The following MYO5A variants were observed in gnomAD, a reference collection of about 807,000 sequenced individuals.
MYO5A encodes the protein myosin VA.
MYO5A carries 98 observed loss-of-function variants against 249.7 expected under a neutral mutation model. The observed-to-expected ratio is 0.39, with a 90% CI of 0.33 to 0.46. The LOEUF (loss-of-function observed/expected upper bound fraction) is 0.46, where lower values mean the gene tolerates loss of function less well. Ranked by LOEUF, MYO5A falls within the 20% of genes least tolerant of loss-of-function variation. The probability of loss-of-function intolerance (pLI) is 0.98; values close to 1 mark genes in which losing one functional copy is unlikely to be tolerated. For missense variants in MYO5A, 1,696 were observed against 2,308.8 expected, an observed-to-expected ratio of 0.73 and a Z score of 5.44; for synonymous variants, 778 against 810.6, an observed-to-expected ratio of 0.96 and a Z score of 0.68.
intron 1 of MYO5A, among the ~76,000 whole-genome samples, chr15:52,523,945 C>T (rs1453537816): frequency 7.6e-6 from 1 of 130,724 alleles, no homozygotes; most frequent in African/African-American, 2.7e-5. Context: ...TTAGAATTTC[C>T]AAGATCAGTA....
chr15:52,511,210 G>A (rs979671885), intron 1 of MYO5A, among the ~76,000 whole-genome samples: 1 of 152,146 alleles, frequency 6.6e-6, no homozygotes, highest in Non-Finnish European at 1.5e-5. Flanking sequence ...GAAGAACCAG[G>A]CTCCTTAAAA....
At position 52,327,887 on chromosome 15, in the gene MYO5A, T is replaced by C. The variant is rs1296126185; in HGVS notation, c.4675A>G (p.Thr1559Ala). The C allele has an allele frequency of 6.2e-7, 1 of 1,613,994 alleles. No homozygotes were observed. Among genetic ancestry groups the C allele is most frequent in the Admixed American group, 1.7e-5 (1 of 60,034 alleles). ...NDDQKVRSLL[T>A]STINSIKKVL... ...TTTTTGATGCTGTTAATTGTTGATG[T>C]TAGCAACGACCTTACTTTCTGATCA... The change falls in exon 36 of 42, where the codon ACA becomes GCA. Residue 1559 changes from threonine (T) to alanine (A), a missense_variant. Thr to Ala is a moderately conservative substitution (Grantham distance 58, BLOSUM62 0). Transcript: ENST00000399233.
At chr15:52,523,241 G>A (rs2077659784) in intron 1 of MYO5A, among the ~76,000 whole-genome samples, 1 of 147,640 alleles carries the variant, frequency 6.8e-6, no homozygotes, top group South Asian at 2.2e-4. Context: ...CAGTCCACCA[G>A]ACCTTCACCA....
chr15:52,492,470 A>G (rs780897676), intron 1 of MYO5A, among the ~76,000 whole-genome samples: 4 of 152,242 alleles, frequency 2.6e-5, no homozygotes, highest in Non-Finnish European at 4.4e-5. Context: ...AGGACAGGTT[A>G]CATAGGCAAA....
chr15:52,420,307 A>C (rs1388999657), intron 4 of MYO5A, among the ~76,000 whole-genome samples: 2 of 43,434 alleles, frequency 4.6e-5, no homozygotes, highest in African/African-American at 1.9e-4. Flanking sequence ...CCTGTATTAC[A>C]AAAAAAAAAA....
intron 1 of MYO5A, among the ~76,000 whole-genome samples, chr15:52,448,464 C>G (rs567955816): frequency 1.3e-5 from 2 of 152,080 alleles, no homozygotes; most frequent in African/African-American, 2.4e-5. Context: ...AAGGGACTAG[C>G]CTTGTCTCAA....
chr15:52,405,051 TCACACACACACACACA>T (rs58764245), intron 9 of MYO5A, among the ~76,000 whole-genome samples: 23 of 140,294 alleles, frequency 1.6e-4, no homozygotes, highest in African/African-American at 5.2e-4. Flanking sequence ...TCTCTCTCTG[TCACACACACACACACA>T]CACACACACA....
intron 1 of MYO5A, among the ~76,000 whole-genome samples, chr15:52,468,442 G>C (rs915612356): frequency 6.6e-6 from 1 of 152,234 alleles, no homozygotes; most frequent in Non-Finnish European, 1.5e-5. Flanking sequence ...AGTACTGCTT[G>C]AGCCCAGGAG....
At chr15:52,432,972 T>C (rs912418527) in intron 2 of MYO5A, among the ~76,000 whole-genome samples, 4 of 152,254 alleles carry the variant, frequency 2.6e-5, no homozygotes, top group African/African-American at 9.6e-5. Flanking sequence ...CTTTTTAAAG[T>C]ATCTGCTATT....
At chr15:52,372,561 G>C (rs2041182709) in intron 20 of MYO5A, among the ~76,000 whole-genome samples, 198 bp from the exon 21 acceptor site, 2 of 152,136 alleles carry the variant, frequency 1.3e-5, no homozygotes, top group Admixed American at 6.5e-5. Flanking sequence ...TTGAAAAGTA[G>C]ACTTTAGAAG....
intron 37 of MYO5A, among the ~76,000 whole-genome samples, chr15:52,322,642 T>C (rs980967282): frequency 2.6e-5 from 4 of 152,236 alleles, no homozygotes; most frequent in Non-Finnish European, 2.9e-5. Context: ...TTAATAGTCA[T>C]TATTAATATT....
chr15:52,330,326 C>A (rs200426015), intron 35 of MYO5A, 27 bp downstream of exon 35: 1 of 1,613,900 alleles, frequency 6.2e-7, no homozygotes, highest in Non-Finnish European at 8.5e-7. Context: ...CCAGAAGGAA[C>A]TTTTATCCAA....
rs1450239799 is a variant in MYO5A at position 52,329,941 on chromosome 15, C to T, written c.4555+412G>A. Among the ~76,000 whole-genome samples the T allele has an allele frequency of 5.4e-5, 6 of 110,182 alleles. No individual in the cohort carries two copies. The East Asian group carries it at 7.0e-4, about 13-fold the overall frequency. The allele number at this position is 110,182 out of a possible 152,430, so 72.3% of individuals were successfully genotyped here. ...TTTTTTTTTTTTTTTTGGAGAGATG[C>T]GGTCTTGCTATTTTCCCGAGGCTGG... On this transcript the variant is annotated intron_variant, in intron 35 of 41. Coordinates refer to ENST00000399233, the MANE Select transcript of MYO5A (RefSeq NM_001382347.1).
intron 1 of MYO5A, among the ~76,000 whole-genome samples, chr15:52,440,663 T>C (rs1378584278): frequency 6.6e-6 from 1 of 152,198 alleles, no homozygotes; most frequent in African/African-American, 2.4e-5. Flanking sequence ...TGCTAACTTG[T>C]GTTTTGTCTG....
At chr15:52,508,636 G>A (rs2077324857) in intron 1 of MYO5A, among the ~76,000 whole-genome samples, 1 of 151,856 alleles carries the variant, frequency 6.6e-6, no homozygotes, top group Non-Finnish European at 1.5e-5. Context: ...CCCACCCCCT[G>A]CCAAAACATT....
At chr15:52,379,495 T>C (rs1161401960) in intron 18 of MYO5A, 130 bp downstream of exon 18, 1 of 779,420 alleles carries the variant, frequency 1.3e-6, no homozygotes, top group South Asian at 1.4e-5. Context: ...AACACAGTAG[T>C]GTGCCCCTCT....
rs199674947 is a variant in MYO5A, at chr15:52,428,433, C to T, written c.275G>A (p.Arg92His). ...EPAVLHNLRV[R>H]FIDSKLIYTY... ...ATAAATAAGTTTGGAATCAATAAAG[C>T]GGACTCTGAGATTATGGAGCACAGC... Residue 92 changes from arginine to histidine, a missense_variant, in exon 3 of 42, where the codon CGC (arginine) becomes CAC (histidine). Physicochemically the swap from Arg to His is conservative, Grantham distance 29. This residue lies in a region of MYO5A where 197 missense variants were observed against 320.3 expected (regional missense o/e 0.62). Coordinates refer to ENST00000399233, the MANE Select transcript of MYO5A (RefSeq NM_001382347.1). 3 of 1,614,122 alleles carry T rather than the reference C, an allele frequency of 1.9e-6. No homozygotes were observed. The highest frequency in any genetic ancestry group is 2.5e-6 in the Non-Finnish European group (3 of 1,180,000).
At chr15:52,454,401 T>C (rs1192628082) in intron 1 of MYO5A, among the ~76,000 whole-genome samples, 2 of 152,206 alleles carry the variant, frequency 1.3e-5, no homozygotes, top group East Asian at 3.9e-4. Context: ...GGATACACTG[T>C]AATAAAATAA....
At chr15:52,497,782 C>T (rs977761467) in intron 1 of MYO5A, among the ~76,000 whole-genome samples, 2 of 138,976 alleles carry the variant, frequency 1.4e-5, no homozygotes, top group Admixed American at 1.4e-4. Flanking sequence ...AAAAAAGAAG[C>T]AGAAGAAGAA....
Sources: allele counts gnomAD v4.1 joint callset (sites outside exome capture counted in the v4.1 genomes callset), GRCh38; gene constraint gnomAD v4.1.1; regional missense constraint gnomAD v4.1.1; transcripts MANE v1.5; gene names NCBI Gene and HGNC (gene_info 2026-07-23, HGNC 2026-07-21).